Variants in EVL observed in about 807,000 individuals in gnomAD.
EVL encodes ena/VASP-like protein.
EVL carries 21 observed loss-of-function variants against 59.6 expected under a neutral mutation model. The observed-to-expected ratio is 0.35, with a 90% CI of 0.25 to 0.51. EVL has a LOEUF of 0.51. Ranked by LOEUF, EVL falls within the 20% of genes least tolerant of loss-of-function variation. EVL has a pLI of 0.97. For missense variants in EVL, 462 were observed against 546.6 expected (o/e 0.85, Z 1.54); for synonymous variants, 198 against 203.5 (o/e 0.97, Z 0.23).
chr14:99,996,347 G>A (rs1183747907), intron 1 of EVL, among the ~76,000 whole-genome samples: 2 of 152,034 alleles, frequency 1.3e-5, no homozygotes, highest in Non-Finnish European at 2.9e-5. Flanking sequence ...AGGGGAAGGA[G>A]GATCTGGTGT....
chr14:100,043,724 C>T (rs2061504433), intron 1 of EVL, among the ~76,000 whole-genome samples: 1 of 151,748 alleles, frequency 6.6e-6, no homozygotes, highest in Non-Finnish European at 1.5e-5. Flanking sequence ...GCAATCCTCC[C>T]ACCTCAGCCT....
At chr14:100,051,232 C>T (rs1054062122) in intron 1 of EVL, among the ~76,000 whole-genome samples, 1 of 152,164 alleles carries the variant, frequency 6.6e-6, no homozygotes, top group East Asian at 1.9e-4. Context: ...TGTCCTGCTC[C>T]GTCCTGACTA....
intron 1 of EVL, among the ~76,000 whole-genome samples, chr14:100,039,290 G>A (rs1049623159): frequency 2.0e-5 from 3 of 152,220 alleles, no homozygotes; most frequent in South Asian, 2.1e-4. Context: ...ATGCTGGAGT[G>A]CAGTGGCACA....
At chr14:100,096,639 C>A (rs1370822542) in intron 2 of EVL, among the ~76,000 whole-genome samples, 1 of 152,336 alleles carries the variant, frequency 6.6e-6, no homozygotes, top group African/African-American at 2.4e-5. Context: ...AGGGCTCCAG[C>A]CCCAGCATCT....
intron 2 of EVL, among the ~76,000 whole-genome samples, chr14:100,093,375 G>A (rs2062605267): frequency 6.6e-6 from 1 of 152,070 alleles, no homozygotes; most frequent in Non-Finnish European, 1.5e-5. Flanking sequence ...TGAGCAACTT[G>A]TCTAAGGTTA....
At chr14:100,087,810 C>G (rs901538606) in intron 2 of EVL, among the ~76,000 whole-genome samples, 1 of 151,230 alleles carries the variant, frequency 6.6e-6, no homozygotes, top group East Asian at 2.0e-4. Context: ...TCATTCTTCC[C>G]GCAGAATGCT....
intron 1 of EVL, among the ~76,000 whole-genome samples, chr14:99,973,889 A>AT (rs1253978845): frequency 2.6e-5 from 4 of 152,106 alleles, no homozygotes; most frequent in East Asian, 1.9e-4. Context: ...ACTTAACACC[A>AT]TTTTTTTCAG....
At chr14:100,038,657 T>C (rs559057808) in intron 1 of EVL, among the ~76,000 whole-genome samples, 14 of 152,310 alleles carry the variant, frequency 9.2e-5, no homozygotes, top group Admixed American at 3.9e-4. Flanking sequence ...TTAAACAGAA[T>C]AATGCTAGAA....
At chr14:100,069,405 A>AT (rs1169194031) in intron 1 of EVL, among the ~76,000 whole-genome samples, 1 of 152,188 alleles carries the variant, frequency 6.6e-6, no homozygotes, top group Non-Finnish European at 1.5e-5. Flanking sequence ...TCAGCTTACA[A>AT]TCCTTCGCAC....
At chr14:100,091,646 T>C (rs1399579517) in intron 2 of EVL, among the ~76,000 whole-genome samples, 1 of 152,172 alleles carries the variant, frequency 6.6e-6, no homozygotes, top group Non-Finnish European at 1.5e-5. Flanking sequence ...TCTTATGCCC[T>C]TTATTAAGAA....
chr14:100,034,455 T>C (rs1484931220), intron 1 of EVL, among the ~76,000 whole-genome samples: 1 of 151,918 alleles, frequency 6.6e-6, no homozygotes, highest in Non-Finnish European at 1.5e-5. Flanking sequence ...ACCTGGCAAT[T>C]AGAAGAGTAA....
At chr14:100,088,307 T>A (rs529434841) in intron 2 of EVL, among the ~76,000 whole-genome samples, 63 of 152,352 alleles carry the variant, frequency 4.1e-4, no homozygotes, top group Non-Finnish European at 6.2e-4. Flanking sequence ...ATCAAGCATC[T>A]TTCTTTTTTG....
chr14:99,977,942 C>T (rs1566960716), intron 1 of EVL: 1 of 151,360 alleles, frequency 6.6e-6, no homozygotes, highest in Non-Finnish European at 1.5e-5. Flanking sequence ...ACTAAAAATA[C>T]AACAGTTAGC....
chr14:100,078,677 C>T (rs1455650900), intron 1 of EVL, among the ~76,000 whole-genome samples: 2 of 152,030 alleles, frequency 1.3e-5, no homozygotes, highest in African/African-American at 2.4e-5. Context: ...TATCAGCTGG[C>T]GGGGTGCTTG....
chr14:100,112,675 T>TCAGGGC (rs1887081086), intron 3 of EVL, among the ~76,000 whole-genome samples: 2 of 152,206 alleles, frequency 1.3e-5, no homozygotes, highest in Non-Finnish European at 2.9e-5. Context: ...CCCCAAAACC[T>TCAGGGC]CAGGGCTCCT....
At chr14:100,048,682 T>C (rs886620621) in intron 1 of EVL, among the ~76,000 whole-genome samples, 9 of 152,196 alleles carry the variant, frequency 5.9e-5, no homozygotes, top group African/African-American at 2.2e-4. Context: ...ACAGCCCAAA[T>C]GTCCTTTGAT....
chr14:100,121,431 A>C (rs944344823), intron 3 of EVL, among the ~76,000 whole-genome samples: 3 of 152,172 alleles, frequency 2.0e-5, no homozygotes, highest in African/African-American at 7.2e-5. Flanking sequence ...CCCACCCCTA[A>C]AACAAAAGGA....
chr14:100,026,394 T>TTGGCCGGGCGCGGTGGCTCACGC (rs1170453675), intron 1 of EVL, among the ~76,000 whole-genome samples: 10 of 151,364 alleles, frequency 6.6e-5, no homozygotes, highest in Middle Eastern at 3.5e-3. Context: ...AGGGAATCAG[T>TTGGCCGGGCGCGGTGGCTCACGC]CAGTTTCAGT....
chr14:100,080,531 A>G (rs59701921), intron 1 of EVL, among the ~76,000 whole-genome samples: 4,020 of 152,318 alleles, frequency 0.026, 176 homozygotes, highest in African/African-American at 0.091. Context: ...TCTTTCTCCT[A>G]TAAGTGATAG....
Sources: allele counts gnomAD v4.1 joint callset (sites outside exome capture counted in the v4.1 genomes callset), GRCh38; gene constraint gnomAD v4.1.1; transcripts MANE v1.5; gene names NCBI Gene and HGNC (gene_info 2026-07-23, HGNC 2026-07-21).